Variants in NEGR1 observed in about 807,000 individuals in gnomAD.
NEGR1 encodes neuronal growth regulator 1, also known as IgLON family member 4.
A neutral mutation model predicts 40.9 loss-of-function variants in NEGR1; 10 were observed. The ratio of observed to expected loss-of-function variants is 0.24; its 90% CI spans 0.15 to 0.42. NEGR1 has a LOEUF of 0.42. Ranked by LOEUF, NEGR1 falls within the 10% of genes least tolerant of loss-of-function variation. The pLI is 1.00. For missense variants in NEGR1, 352 were observed against 438.9 expected (o/e 0.80, Z 1.77); for synonymous variants, 185 against 166.8 (o/e 1.11, Z -0.84).
intron 1 of NEGR1, among the ~76,000 whole-genome samples, chr1:72,258,453 C>T (rs1655347765): frequency 6.6e-6 from 1 of 151,822 alleles, no homozygotes; most frequent in South Asian, 2.1e-4. Context: ...TAAATATGTC[C>T]CCCAAATGTT....
At chr1:72,208,361 T>G (rs1653484343) in intron 1 of NEGR1, among the ~76,000 whole-genome samples, 1 of 151,796 alleles carries the variant, frequency 6.6e-6, no homozygotes, top group Non-Finnish European at 1.5e-5. Flanking sequence ...GAAAATATTC[T>G]GTTATTAACT....
At chr1:72,181,170 T>C (rs768061963) in intron 1 of NEGR1, among the ~76,000 whole-genome samples, 6 of 152,212 alleles carry the variant, frequency 3.9e-5, no homozygotes, top group Admixed American at 6.5e-5. Context: ...TGAATGTCCA[T>C]GGGCTTCTGA....
At chr1:71,450,752 G>A (rs981211157) in intron 6 of NEGR1, among the ~76,000 whole-genome samples, 2 of 152,118 alleles carry the variant, frequency 1.3e-5, no homozygotes, top group South Asian at 4.1e-4. Context: ...AGAGGTTGCA[G>A]TGAGCTGAGA....
intron 1 of NEGR1, among the ~76,000 whole-genome samples, chr1:72,029,873 C>T (rs563103620): frequency 6.6e-6 from 1 of 151,874 alleles, no homozygotes; most frequent in South Asian, 2.1e-4. Context: ...GTTTTTATGC[C>T]CCATCTAATT....
intron 1 of NEGR1, among the ~76,000 whole-genome samples, chr1:72,056,960 C>T (rs1647116440): frequency 6.6e-6 from 1 of 151,486 alleles, no homozygotes; most frequent in Admixed American, 6.6e-5. Flanking sequence ...TACAGTCTTT[C>T]CCAAACTTTC....
chr1:71,705,576 C>T (rs1171617187), intron 3 of NEGR1, among the ~76,000 whole-genome samples: 1 of 152,054 alleles, frequency 6.6e-6, no homozygotes, highest in Non-Finnish European at 1.5e-5. Context: ...CGGGCCAGGC[C>T]TGGCGTGGTG....
At chr1:72,057,757 G>A (rs988427751) in intron 1 of NEGR1, among the ~76,000 whole-genome samples, 1 of 151,460 alleles carries the variant, frequency 6.6e-6, no homozygotes, top group African/African-American at 2.4e-5. Context: ...CATGGTTGGT[G>A]TCTGGTAAGG....
chr1:71,505,674 AG>A (rs1647028085), intron 6 of NEGR1, among the ~76,000 whole-genome samples: 1 of 152,212 alleles, frequency 6.6e-6, no homozygotes, highest in Admixed American at 6.5e-5. Flanking sequence ...CTTCTACTTT[AG>A]GACTAGGGAC....
chr1:71,474,733 A>AC (rs1312761519), intron 6 of NEGR1, among the ~76,000 whole-genome samples: 74 of 148,338 alleles, frequency 5.0e-4, no homozygotes, highest in Non-Finnish European at 3.9e-4. Context: ...AAAAAAAAAA[A>AC]AAAAACAAAA....
Position 71,405,519 on chromosome 1 carries a change from A to C in NEGR1, c.*1927T>G, listed in dbSNP as rs920852804. ...ATATTTGTTCTAAAAACTCTTTTTT[A>C]ATGTATCAATCAAAATAATGTCATA... On this transcript the variant is annotated 3_prime_UTR_variant, in exon 7 of 7. Coordinates refer to ENST00000357731, the MANE Select transcript of NEGR1 (RefSeq NM_173808.3). The C allele has an allele frequency of 1.3e-5, 2 of 152,226 alleles. No individual in the cohort carries two copies. The highest frequency in any genetic ancestry group is 3.0e-5 in the Non-Finnish European group (2 of 67,780). The allele number at this position is 152,226 out of a possible 1,614,324, so 9.4% of individuals were successfully genotyped here.
intron 1 of NEGR1, among the ~76,000 whole-genome samples, chr1:72,221,108 C>T (rs1254378887): frequency 2.6e-5 from 4 of 151,920 alleles, no homozygotes; most frequent in East Asian, 1.9e-4. Flanking sequence ...CTGTTCTACG[C>T]CATTCTCATA....
intron 4 of NEGR1, among the ~76,000 whole-genome samples, chr1:71,613,291 T>C (rs1433560121): frequency 6.6e-6 from 1 of 151,934 alleles, no homozygotes; most frequent in African/African-American, 2.4e-5. Flanking sequence ...TCAAGGGTGA[T>C]TTAATTTGGC....
At chr1:71,714,206 A>C (rs1654198162) in intron 3 of NEGR1, among the ~76,000 whole-genome samples, 1 of 152,134 alleles carries the variant, frequency 6.6e-6, no homozygotes, top group South Asian at 2.1e-4. Flanking sequence ...AAACCATCAG[A>C]TCTCATGAGG....
chr1:71,861,206 G>A (rs1659936316), intron 2 of NEGR1, among the ~76,000 whole-genome samples: 1 of 151,900 alleles, frequency 6.6e-6, no homozygotes, highest in African/African-American at 2.4e-5. Flanking sequence ...TCATCTCTTT[G>A]TGACTCATAT....
chr1:71,992,632 G>A (rs1358683608), intron 1 of NEGR1, among the ~76,000 whole-genome samples: 1 of 118,972 alleles, frequency 8.4e-6, no homozygotes, highest in Non-Finnish European at 1.9e-5. Flanking sequence ...AATCTGGCGT[G>A]AATTTTATAG....
At chr1:72,076,163 C>T (rs1320081216) in intron 1 of NEGR1, among the ~76,000 whole-genome samples, 1 of 151,928 alleles carries the variant, frequency 6.6e-6, no homozygotes, top group Non-Finnish European at 1.5e-5. Context: ...TATTTGTGTC[C>T]CTCCCAAATT....
chr1:72,279,857 G>A (rs1016461095), intron 1 of NEGR1, among the ~76,000 whole-genome samples: 13 of 152,148 alleles, frequency 8.5e-5, no homozygotes, highest in Admixed American at 2.0e-4. Context: ...AAATGGATAC[G>A]TTAAATTAGT....
chr1:71,854,575 G>A (rs527623370), intron 2 of NEGR1, among the ~76,000 whole-genome samples: 3 of 152,104 alleles, frequency 2.0e-5, no homozygotes, highest in East Asian at 1.9e-4. Context: ...AGAAATATTC[G>A]TGACTGGGTA....
chr1:71,860,861 T>C (rs1235112288), intron 2 of NEGR1, among the ~76,000 whole-genome samples: 1 of 151,960 alleles, frequency 6.6e-6, no homozygotes, highest in Non-Finnish European at 1.5e-5. Context: ...ATAGTGAACA[T>C]ATGAGCATGA....
Sources: allele counts gnomAD v4.1 joint callset (sites outside exome capture counted in the v4.1 genomes callset), GRCh38; gene constraint gnomAD v4.1.1; transcripts MANE v1.5; gene names NCBI Gene and HGNC (gene_info 2026-07-23, HGNC 2026-07-21).